The following DST variants were observed in gnomAD, a reference collection of about 807,000 sequenced individuals.
DST encodes bullous pemphigoid antigen.
A neutral mutation model predicts 875.2 loss-of-function variants in DST; 253 were observed. The ratio of observed to expected loss-of-function variants is 0.29; its 90% confidence interval spans 0.26 to 0.32. The LOEUF (loss-of-function observed/expected upper bound fraction) is 0.32, where lower values mean the gene tolerates loss of function less well. Among genes scored for constraint, DST ranks in the 10% least tolerant of loss-of-function variants. The pLI is 1.00. For missense variants in DST, 8,287 were observed against 9,111.6 expected, an observed-to-expected ratio of 0.91 and a Z score of 3.68; for synonymous variants, 3,124 against 3,197.1, an observed-to-expected ratio of 0.98 and a Z score of 0.77.
Position 56,692,437 on chromosome 6 carries a change from G to T in DST, c.1047+7216C>A, listed in dbSNP as rs929776585. The T allele has an allele frequency of 1.1e-5, 14 of 1,289,258 alleles. No individual in the cohort carries two copies. In the Admixed American group the frequency reaches 1.8e-4, roughly 17 times the overall value. The allele number at this position is 1,289,258 out of a possible 1,614,324, so 79.9% of individuals were successfully genotyped here. On this transcript the variant is annotated intron_variant, in intron 9 of 103. Transcript: ENST00000680361. ...AACAGAGGACATACTAGTATAAAGG[G>T]AATGGCATCTCTTTTTTTTAAACTG...
chr6:56,939,296 C>A (rs917063412), intron 2 of DST, among the ~76,000 whole-genome samples: 4 of 152,216 alleles, frequency 2.6e-5, no homozygotes, highest in African/African-American at 4.8e-5. Flanking sequence ...TAATGACAGA[C>A]TGACCCCCAA....
chr6:56,592,059 G>T, intron 49 of DST, 123 bp downstream of exon 49: 1 of 825,890 alleles, frequency 1.2e-6, no homozygotes, highest in Non-Finnish European at 1.9e-6. Context: ...ACCTCTGGAG[G>T]CAGAAGTATA....
intron 4 of DST, among the ~76,000 whole-genome samples, chr6:56,774,462 A>G (rs943787661): frequency 2.5e-4 from 38 of 152,380 alleles, no homozygotes; most frequent in African/African-American, 8.7e-4. Flanking sequence ...GTCCTGCAAC[A>G]AACAACAGTC....
At chr6:56,744,584 A>G (rs2099565733) in intron 4 of DST, among the ~76,000 whole-genome samples, 1 of 152,200 alleles carries the variant, frequency 6.6e-6, no homozygotes. Context: ...TGAAAAGATC[A>G]GTTCCTGAAA....
At chr6:56,692,418 G>C (rs1432641795) in intron 9 of DST, 1 of 1,287,202 alleles carries the variant, frequency 7.8e-7, no homozygotes, top group Non-Finnish European at 1.0e-6. Flanking sequence ...TAGAAACAGA[G>C]GACATACTAG....
chr6:56,795,750 G>C (rs1172947756), intron 4 of DST, among the ~76,000 whole-genome samples: 2 of 152,078 alleles, frequency 1.3e-5, no homozygotes, highest in South Asian at 2.1e-4. Flanking sequence ...GTGGGGGAGG[G>C]AGAGAGAAGG....
intron 4 of DST, among the ~76,000 whole-genome samples, chr6:56,807,429 G>A (rs753239216): frequency 2.1e-4 from 32 of 152,110 alleles, no homozygotes; most frequent in Non-Finnish European, 4.0e-4. Flanking sequence ...AAATATAAAG[G>A]AACAGACTAG....
Position 56,616,605 on chromosome 6 carries a change from T to G in DST, c.4930-2121A>C, listed in dbSNP as rs370525189. On this transcript the variant is annotated intron_variant, in intron 36 of 103. Coordinates refer to ENST00000680361, the MANE Select transcript of DST (RefSeq NM_001374736.1). ...TTGGGATTAGGGAAAACTCTTGTGT[T>G]GCTGGATGGCTCATGTAAAAACTGT... The G allele has an allele frequency of 6.2e-7, 1 of 1,614,194 alleles. No individual in the cohort carries two copies. Among genetic ancestry groups the G allele is most frequent in the East Asian group, 2.2e-5 (1 of 44,880 alleles).
chr6:56,776,374 AG>A (rs1338743495), intron 4 of DST, among the ~76,000 whole-genome samples: 1 of 152,236 alleles, frequency 6.6e-6, no homozygotes, highest in African/African-American at 2.4e-5. Flanking sequence ...AAAAACAAAA[AG>A]GACGTTAGGG....
chr6:56,606,283 G>A lies in DST; in HGVS notation c.8345C>T (p.Thr2782Ile), dbSNP rs1470604312. ...ACTTTGCATAGAATCTAAATGATCA[G>A]TATCGGAGTGAAATTCCTGTCCAGT... ...YVTGQEFHSD[T>I]DHLDSMQSEE... Residue 2782 changes from threonine to isoleucine, a missense_variant, in exon 40 of 104, where the codon ACT (threonine) becomes ATT (isoleucine). Physicochemically the swap from Thr to Ile is moderately conservative, Grantham distance 89. This residue lies in a region of DST where 3,138 missense variants were observed against 3,116.6 expected (regional missense o/e 1.01). Transcript: ENST00000680361. 1.3e-6 allele frequency: 2 copies of A among 1,588,830 alleles called. No individual in the cohort carries two copies. The highest frequency in any genetic ancestry group is 3.6e-5 in the Admixed American group (2 of 55,062).
chr6:56,578,923 C>G lies in DST; in HGVS notation c.12918G>C (p.Gln4306His). The G allele has an allele frequency of 6.3e-7, 1 of 1,597,556 alleles. No individual in the cohort carries two copies. The highest frequency in any genetic ancestry group is 8.5e-7 in the Non-Finnish European group (1 of 1,171,170). Reference sequence around the variant, plus strand: ...CTACAGCAACCTGCTGACTTGATATCTGTCCTTGCAAAGCCTGTAGGATTA... The same window carrying G: ...CTACAGCAACCTGCTGACTTGATATGTGTCCTTGCAAAGCCTGTAGGATTA... ...QLEETKALQG[Q>H]ISSQQVAVEK... The change falls in exon 50 of 104, where the codon CAG (glutamine) becomes CAC (histidine). Residue 4306 changes from glutamine to histidine, a missense_variant. Coordinates refer to ENST00000680361, the MANE Select transcript of DST (RefSeq NM_001374736.1).
intron 72 of DST, among the ~76,000 whole-genome samples, chr6:56,513,592 G>A (rs1426179644): frequency 6.6e-6 from 1 of 152,040 alleles, no homozygotes; most frequent in Non-Finnish European, 1.5e-5. Context: ...TCAAACTCCC[G>A]ACCTCAGGTG....
At position 56,608,054 on chromosome 6, in the gene DST, G is replaced by T; in HGVS notation, c.6574C>A (p.Gln2192Lys). The change falls in exon 40 of 104, where the codon CAG becomes AAG. Residue 2192 changes from glutamine (Q) to lysine (K), a missense_variant. Around this residue, in one of 10 missense-constraint regions of DST, gnomAD observed 3,138 missense variants for 3,116.6 expected, o/e 1.01. Transcript: ENST00000680361. Reference protein sequence around the residue: ...VFDGEEPVTTQTSEETKKLFL... With the variant: ...VFDGEEPVTTKTSEETKKLFL... ...AATTTTTTAGTTTCTTCTGAGGTCT[G>T]AGTAGTGACAGGTTCTTCTCCATCA... 1 of 1,613,388 alleles carries T rather than the reference G, an allele frequency of 6.2e-7. No homozygotes were observed. The highest frequency in any genetic ancestry group is 1.1e-5 in the South Asian group (1 of 90,988).
At chr6:56,642,578 C>G in intron 15 of DST, 75 bp from the exon 16 acceptor site, 1 of 1,612,006 alleles carries the variant, frequency 6.2e-7, no homozygotes, top group African/African-American at 1.3e-5. Context: ...AAAAGTGCTG[C>G]CCATCAAAAA....
At chr6:56,786,611 C>G (rs2099706091) in intron 4 of DST, among the ~76,000 whole-genome samples, 1 of 152,178 alleles carries the variant, frequency 6.6e-6, no homozygotes, top group Non-Finnish European at 1.5e-5. Context: ...GGGCTAACTG[C>G]AACCTCTGCC....
In DST at chr6:56,632,948, G is replaced by A; in HGVS notation, c.3711C>T (p.Ser1237=). 1 of 1,613,804 alleles carries A rather than the reference G, an allele frequency of 6.2e-7. No homozygotes were observed. Among genetic ancestry groups the A allele is most frequent in the African/African-American group, 1.3e-5 (1 of 75,004 alleles). ...TTATATCTGAGCCTGAAAAGACTTG[G>A]GATTCCTGGCTATCTTCCAGAAAAT... The part of the protein sequence containing the change: ...FEDFLEDSQE[S]QVFSGSDITQ... Residue 1237 remains serine (S), a synonymous_variant, in exon 28 of 104, where the codon TCC becomes TCT. Coordinates refer to ENST00000680361, the MANE Select transcript of DST (RefSeq NM_001374736.1).
At chr6:56,488,366 A>G (rs1257233117) in intron 86 of DST, among the ~76,000 whole-genome samples, 1 of 152,200 alleles carries the variant, frequency 6.6e-6, no homozygotes, top group Non-Finnish European at 1.5e-5. Flanking sequence ...TTCAAGTTCA[A>G]ATAAAGCATT....
At chr6:56,630,785 C>CT (rs113335666) in intron 30 of DST, among the ~76,000 whole-genome samples, 6,531 of 143,036 alleles carry the variant, frequency 0.046, 170 homozygotes, top group African/African-American at 0.073. Flanking sequence ...TAATGTATTT[C>CT]TTTTTTTTTT....
intron 10 of DST, among the ~76,000 whole-genome samples, chr6:56,655,308 A>G (rs2099001545): frequency 6.6e-6 from 1 of 152,206 alleles, no homozygotes. Context: ...AACATGGCAG[A>G]GAGGACACTA....
Sources: gnomAD v4.1 joint callset for allele counts (sites outside exome capture counted in the v4.1 genomes callset) on GRCh38, gnomAD v4.1.1 for gene constraint, gnomAD v4.1.1 regional missense constraint, MANE v1.5 for transcripts, NCBI Gene and HGNC (gene_info 2026-07-23, HGNC 2026-07-21) for gene names.